KDM5A: variants seen among roughly 807,000 people sequenced by gnomAD.
KDM5A encodes lysine demethylase 5A, also known as lysine-specific demethylase 5A.
Under a neutral mutation model 193.5 loss-of-function variants are expected in KDM5A, and 42 were observed. The observed-to-expected ratio is 0.22, with a 90% CI of 0.17 to 0.28. The LOEUF is 0.28. KDM5A is among the 10% of genes least tolerant of loss of function. The pLI, the probability that KDM5A is intolerant of heterozygous loss-of-function variation, is 1.00. For missense variants in KDM5A, 1,692 were observed against 2,055.1 expected (o/e 0.82, Z 3.42); for synonymous variants, 796 against 718.1 (o/e 1.11, Z -1.73).
chr12:323,881 T>A, intron 14 of KDM5A, 100 bp from the exon 15 acceptor site: 1 of 905,628 alleles, frequency 1.1e-6, no homozygotes, highest in Non-Finnish European at 1.8e-6. Context: ...ATCTCTGACT[T>A]AAAGGTATAA....
At chr12:347,038 T>C (rs1944086970) in intron 10 of KDM5A, among the ~76,000 whole-genome samples, 2 of 152,162 alleles carry the variant, frequency 1.3e-5, no homozygotes, top group South Asian at 4.1e-4. Flanking sequence ...GCCCAAAATC[T>C]CCTTAAGCTG....
At position 307,430 on chromosome 12, in the gene KDM5A, A is replaced by G; in HGVS notation, c.3930+24T>C. 1 of 1,608,606 alleles carries G rather than the reference A, an allele frequency of 6.2e-7. No individual in the cohort carries two copies. Among genetic ancestry groups the G allele is most frequent in the Non-Finnish European group, 8.5e-7 (1 of 1,176,610 alleles). ...CACTGACATATCCCATGAAATAGAAAAAGAATGTAAATCCTAAACTTGCCT... is the reference window on the plus strand; with the variant it reads ...CACTGACATATCCCATGAAATAGAAGAAGAATGTAAATCCTAAACTTGCCT... On this transcript the variant is annotated intron_variant, in intron 23 of 27. Transcript: ENST00000399788. The surrounding 1 kb of genome is among the most constrained non-coding windows in gnomAD (Gnocchi z 4.3).
Position 307,807 on chromosome 12 carries a change from T to C in KDM5A, c.3577A>G (p.Lys1193Glu). 1.9e-6 allele frequency: 3 copies of C among 1,614,206 alleles called. No individual in the cohort carries two copies. Among genetic ancestry groups the C allele is most frequent in the Non-Finnish European group, 2.5e-6 (3 of 1,180,036 alleles). The change falls in exon 23 of 28, where the codon AAA becomes GAA. Residue 1193 changes from lysine (K) to glutamate (E), a missense_variant. Lys to Glu is a moderately conservative substitution (Grantham distance 56). This residue lies in a region of KDM5A where 965 missense variants were observed against 1,061.0 expected (regional missense o/e 0.91). Coordinates refer to ENST00000399788, the MANE Select transcript of KDM5A (RefSeq NM_001042603.3). The surrounding 1 kb of genome is among the most constrained non-coding windows in gnomAD (Gnocchi z 4.3). ...WFHNSCVPLP[K>E]SSSQKKGSSW... ...GATCCTTTTTTTTGGGAACTTGATTTAGGAAGAGGAACACAGCTGTTATGG... is the reference window on the plus strand; with the variant it reads ...GATCCTTTTTTTTGGGAACTTGATTCAGGAAGAGGAACACAGCTGTTATGG...
Position 311,021 on chromosome 12 carries a change from G to A in KDM5A, c.3080C>T (p.Ser1027Phe). The A allele has an allele frequency of 8.1e-6, 13 of 1,614,178 alleles. No homozygotes were observed. Among genetic ancestry groups the A allele is most frequent in the Non-Finnish European group, 1.1e-5 (13 of 1,180,030 alleles). Residue 1027 changes from serine (S) to phenylalanine (F), a missense_variant, in exon 21 of 28, where the codon TCT becomes TTT. Physicochemically the swap from Ser to Phe is radical, Grantham distance 155 (BLOSUM62 -2). Transcript: ENST00000399788. The stretch of plus-strand genomic sequence containing the variant: ...CACAGGAATAGGGCGTCCTTTCGCA[G>A]ACAAGCTCTCAAGCTGCTCCAAATA... ...YAYLEQLESL[S>F]AKGRPIPVRL...
intron 1 of KDM5A, chr12:388,213 A>G (rs773762286): frequency 9.5e-5 from 43 of 450,884 alleles, no homozygotes; most frequent in Non-Finnish European, 1.6e-4. Context: ...CACACAAGGG[A>G]TAGTATCTGT....
Position 280,246 on chromosome 12 carries a change from T to C in KDM5A, c.*5210A>G, listed in dbSNP as rs1359307441. ...TGTACAATGTTTCACCATGTTCCAA[T>C]TAATGGTTGAGCTTTAAATGAAAAT... On this transcript the variant is annotated 3_prime_UTR_variant, in exon 28 of 28. Coordinates refer to ENST00000399788, the MANE Select transcript of KDM5A (RefSeq NM_001042603.3). The C allele has an allele frequency of 4.3e-6, 1 of 232,916 alleles. No homozygotes were observed. Among genetic ancestry groups the C allele is most frequent in the African/African-American group, 2.2e-5 (1 of 45,354 alleles). The allele number at this position is 232,916 out of a possible 1,614,324, so 14.4% of individuals were successfully genotyped here.
At chr12:382,595 A>G (rs891842067) in intron 3 of KDM5A, among the ~76,000 whole-genome samples, 13 of 152,270 alleles carry the variant, frequency 8.5e-5, no homozygotes, top group African/African-American at 3.1e-4. Flanking sequence ...AAATTCCCAG[A>G]TAATTAAGCA....
intron 3 of KDM5A, among the ~76,000 whole-genome samples, chr12:369,961 A>G (rs1234806160): frequency 6.6e-6 from 1 of 152,256 alleles, no homozygotes; most frequent in Non-Finnish European, 1.5e-5. Context: ...AAAGGAATAA[A>G]CTATCTCACA....
rs994059187 is a variant in KDM5A, at chr12:283,318, G to A, written c.*2138C>T. 9 of 231,662 alleles carry A rather than the reference G, an allele frequency of 3.9e-5. No homozygotes were observed. Among genetic ancestry groups the A allele is most frequent in the South Asian group, 1.8e-4 (1 of 5,510 alleles). 14.4% of individuals were successfully genotyped at this position (231,662 alleles called of 1,614,324 possible). A position where few individuals can be genotyped will look rare whatever the true frequency, so the allele number is the denominator to read the frequency against. ...TTGATAATCGTTAGCTTGGCAAAACGAAAACTTATGAAATCAGTTAATTAG... is the reference window on the plus strand; with the variant it reads ...TTGATAATCGTTAGCTTGGCAAAACAAAAACTTATGAAATCAGTTAATTAG... On this transcript the variant is annotated 3_prime_UTR_variant, in exon 28 of 28. Coordinates refer to ENST00000399788, the MANE Select transcript of KDM5A (RefSeq NM_001042603.3).
At chr12:333,459 A>T (rs768443020) in intron 12 of KDM5A, 28 bp downstream of exon 12, 1 of 1,613,118 alleles carries the variant, frequency 6.2e-7, no homozygotes, top group Non-Finnish European at 8.5e-7. Context: ...ACAAACAAAC[A>T]ACTGAAGGAA....
chr12:283,153 T>C lies in KDM5A; in HGVS notation c.*2303A>G. 4.3e-6 allele frequency: 1 copy of C among 231,302 alleles called. No individual in the cohort carries two copies. Among genetic ancestry groups the C allele is most frequent in the Admixed American group, 5.6e-5 (1 of 17,744 alleles). 14.3% of individuals were successfully genotyped at this position (231,302 alleles called of 1,614,324 possible). On this transcript the variant is annotated 3_prime_UTR_variant, in exon 28 of 28. Coordinates refer to ENST00000399788, the MANE Select transcript of KDM5A (RefSeq NM_001042603.3). ...TGATTAGGAAGGAAAAATAAAAATT[T>C]TAAATGTATTCCAGGCATCTGTCAC...
intron 5 of KDM5A, among the ~76,000 whole-genome samples, chr12:357,827 CAAAAAAAAAAAAAAAAA>C (rs61577928): frequency 1.0e-4 from 3 of 29,866 alleles, no homozygotes; most frequent in African/African-American, 4.0e-4. Context: ...GACTCAGTCT[CAAAAAAAAAAAAAAAAA>C]AAAAAAAAAA....
In KDM5A at chr12:363,073, G is replaced by A; in HGVS notation, c.562C>T (p.Leu188Phe). The A allele has an allele frequency of 6.2e-7, 1 of 1,613,958 alleles. No homozygotes were observed. Among genetic ancestry groups the A allele is most frequent in the South Asian group, 1.1e-5 (1 of 91,082 alleles). ...ACCTCAGGCTCCACTTTTTCTTTAA[G>A]ATCTAAATTAGGCATCTGCACACCC... ...LMGVQMPNLDLKEKVEPEVLS... is the reference protein window; with the variant it reads ...LMGVQMPNLDFKEKVEPEVLS... The change falls in exon 5 of 28, where the codon CTT becomes TTT. Residue 188 changes from leucine (L) to phenylalanine (F), a missense_variant. Physicochemically the swap from Leu to Phe is conservative, Grantham distance 22 (BLOSUM62 0). Transcript: ENST00000399788.
intron 3 of KDM5A, among the ~76,000 whole-genome samples, chr12:380,217 C>T (rs1440123695): frequency 6.7e-6 from 1 of 149,582 alleles, no homozygotes. Flanking sequence ...TGCAGTGAGC[C>T]GAGATCACGC....
At chr12:325,529 T>C (rs1051260611) in intron 14 of KDM5A, among the ~76,000 whole-genome samples, 1 of 150,376 alleles carries the variant, frequency 6.6e-6, no homozygotes, top group Non-Finnish European at 1.5e-5. Flanking sequence ...ATACAAAAAT[T>C]ACTGGGTGTG....
intron 10 of KDM5A, among the ~76,000 whole-genome samples, chr12:336,413 T>C (rs993740935): frequency 2.0e-5 from 3 of 147,282 alleles, no homozygotes; most frequent in African/African-American, 7.5e-5. Flanking sequence ...CCAACACAGG[T>C]TTAACTAAGA....
intron 2 of KDM5A, among the ~76,000 whole-genome samples, chr12:384,548 T>C (rs772031298): frequency 2.0e-5 from 3 of 151,724 alleles, no homozygotes; most frequent in Non-Finnish European, 4.4e-5. Context: ...CTAAAGAAAT[T>C]CAAAGACTTT....
intron 14 of KDM5A, 124 bp downstream of exon 14, chr12:328,711 T>C: frequency 1.2e-6 from 1 of 807,418 alleles, no homozygotes; most frequent in Non-Finnish European, 2.0e-6. Context: ...TATAAAATCT[T>C]CTCCAAATCA....
intron 10 of KDM5A, among the ~76,000 whole-genome samples, chr12:346,601 G>C (rs887051223): frequency 4.6e-5 from 7 of 152,114 alleles, no homozygotes; most frequent in African/African-American, 9.7e-5. Context: ...GGGATGCAAG[G>C]CTAGTTCAAC....
Sources: allele counts gnomAD v4.1 joint callset (sites outside exome capture counted in the v4.1 genomes callset), GRCh38; gene constraint gnomAD v4.1.1; regional missense constraint gnomAD v4.1.1; non-coding constraint Gnocchi (gnomAD v3.1); transcripts MANE v1.5; gene names NCBI Gene and HGNC (gene_info 2026-07-23, HGNC 2026-07-21).